Variants in IK observed in about 807,000 individuals in gnomAD.
IK encodes protein Red.
In IK, 47 loss-of-function variants were observed where a neutral mutation model predicts 90.9. That is an observed-to-expected ratio of 0.52 (90% CI 0.41 to 0.66). The LOEUF (loss-of-function observed/expected upper bound fraction) is 0.66. IK is among the 30% of genes least tolerant of loss of function. The pLI, the probability that IK is intolerant of heterozygous loss-of-function variation, is 0.00. For missense variants in IK, 385 were observed against 709.3 expected, an observed-to-expected ratio of 0.54 and a Z score of 5.19; for synonymous variants, 201 against 227.5, an observed-to-expected ratio of 0.88 and a Z score of 1.05.
chr5:140,655,190 T>G (rs1163589353), intron 8 of IK, among the ~76,000 whole-genome samples: 1 of 152,160 alleles, frequency 6.6e-6, no homozygotes, highest in Non-Finnish European at 1.5e-5. Context: ...TCAGGTAGAT[T>G]GAAAGATTTT....
chr5:140,648,360 CTG>C, intron 1 of IK, 109 bp from the exon 2 acceptor site: 1 of 940,970 alleles, frequency 1.1e-6, no homozygotes, highest in Non-Finnish European at 1.8e-6. Context: ...TGTGTTGACA[CTG>C]TCGCTGTTCT....
intron 2 of IK, among the ~76,000 whole-genome samples, chr5:140,649,684 C>T (rs1561971455): frequency 6.6e-6 from 1 of 152,084 alleles, no homozygotes; most frequent in Non-Finnish European, 1.5e-5. Context: ...TACAGGCATG[C>T]CCCACCATGC....
intron 15 of IK, chr5:140,660,432 G>T: frequency 3.7e-6 from 2 of 540,906 alleles, no homozygotes; most frequent in South Asian, 2.3e-5. Context: ...CAAGTAGCTG[G>T]GATTATAGGC....
chr5:140,661,390 G>A lies in IK; in HGVS notation c.1414-230G>A, dbSNP rs898806620. ...CATCAGGAAAATGGAGAGAAATATA[G>A]TTCCCTCTTCATAGATTTTATGAGA... On this transcript the variant is annotated intron_variant, in intron 16 of 19. Coordinates refer to ENST00000417647, the MANE Select transcript of IK (RefSeq NM_006083.4). This position sits in a 1 kb window ranked among gnomAD's most constrained non-coding sequence, Gnocchi z 4.2. 3 of 492,506 alleles carry A rather than the reference G, an allele frequency of 6.1e-6. No individual in the cohort carries two copies. 30.5% of individuals were successfully genotyped at this position (492,506 alleles called of 1,614,324 possible).
chr5:140,653,892 C>G (rs767808362), intron 5 of IK, 46 bp from the exon 6 acceptor site: 81 of 1,214,734 alleles, frequency 6.7e-5, no homozygotes, highest in Middle Eastern at 2.7e-4. Context: ...CGTGATCCAC[C>G]ACGCCTGGAC....
At chr5:140,649,853 C>G (rs1757585263) in intron 2 of IK, among the ~76,000 whole-genome samples, 1 of 152,190 alleles carries the variant, frequency 6.6e-6, no homozygotes, top group African/African-American at 2.4e-5. Flanking sequence ...TTTTTAAATG[C>G]ATTTATACAC....
At chr5:140,649,187 T>C (rs1757564217) in intron 2 of IK, among the ~76,000 whole-genome samples, 1 of 146,970 alleles carries the variant, frequency 6.8e-6, no homozygotes, top group Non-Finnish European at 1.5e-5. Flanking sequence ...CATTTCTTTT[T>C]TTTTTTCTTT....
Position 140,651,867 on chromosome 5 carries a change from TCTA to T in IK, c.176+65_176+67del. 3 of 1,112,700 alleles carry T rather than the reference TCTA, an allele frequency of 2.7e-6. No homozygotes were observed. In the Admixed American group the frequency reaches 5.5e-5, roughly 20 times the overall value. 68.9% of individuals were successfully genotyped at this position (1,112,700 alleles called of 1,614,324 possible). A position where few individuals can be genotyped will look rare whatever the true frequency, so the allele number is the denominator to read the frequency against. On this transcript the variant is annotated intron_variant, in intron 3 of 19. Coordinates refer to ENST00000417647, the MANE Select transcript of IK (RefSeq NM_006083.4). ...TGTTTCTTGCTCCTTCCTATTTCTT[TCTA>T]CTAAGTAGAATGACTTTTAATAGTC...
At chr5:140,648,659 C>G in intron 2 of IK, 122 bp downstream of exon 2, 3 of 960,252 alleles carry the variant, frequency 3.1e-6, no homozygotes, top group East Asian at 2.4e-5. Context: ...ACCCGCTGGC[C>G]CTTTATCTCT....
At chr5:140,659,241 G>A in intron 12 of IK, 74 bp from the exon 13 acceptor site, 1 of 1,612,744 alleles carries the variant, frequency 6.2e-7, no homozygotes, top group Admixed American at 1.7e-5. Flanking sequence ...GTAAGGAATT[G>A]TTTCAAACTT....
At chr5:140,659,681 T>TAAA in intron 13 of IK, 75 bp from the exon 14 acceptor site, 4 of 943,318 alleles carry the variant, frequency 4.2e-6, no homozygotes, top group Non-Finnish European at 6.7e-6. Flanking sequence ...TTAAAAATGT[T>TAAA]TTTTAAGTGT....
intron 15 of IK, 32 bp from the exon 16 acceptor site, chr5:140,660,726 G>A (rs371472082): frequency 6.3e-7 from 1 of 1,580,702 alleles, no homozygotes; most frequent in Non-Finnish European, 8.7e-7. Flanking sequence ...GTCAGGGTAT[G>A]CAACATCTGT....
In IK at chr5:140,652,848, A is replaced by G. The variant is rs747487006; in HGVS notation, c.237-129A>G. On this transcript the variant is annotated intron_variant, in intron 4 of 19. Coordinates refer to ENST00000417647, the MANE Select transcript of IK (RefSeq NM_006083.4). The stretch of plus-strand genomic sequence containing the variant: ...CTACGAAGAGGTGGCCAGCAGTTCT[A>G]TCAGGACAGACATGAGCTTTTCCCC... The G allele has an allele frequency of 6.2e-5, 47 of 761,168 alleles. No individual in the cohort carries two copies. In the African/African-American group the frequency reaches 7.0e-4, roughly 11 times the overall value. The allele number at this position is 761,168 out of a possible 1,614,324, so 47.2% of individuals were successfully genotyped here.
At position 140,660,762 on chromosome 5, in the gene IK, G is replaced by C. The variant is rs1757791236; in HGVS notation, c.1360G>C (p.Asp454His). The C allele has an allele frequency of 6.2e-7, 1 of 1,613,100 alleles. No individual in the cohort carries two copies. Among genetic ancestry groups the C allele is most frequent in the South Asian group, 1.1e-5 (1 of 91,070 alleles). ...SYAECYPATM[D>H]DMAVDSDEEV... ...TTAACTCTTGCTTCTCCTTAGGATG[G>C]ATGACATGGCTGTGGATAGTGATGA... Residue 454 changes from aspartate to histidine, a missense_variant, in exon 16 of 20, where the codon GAT becomes CAT. Around this residue, in one of 8 missense-constraint regions of IK, gnomAD observed 23 missense variants for 115.2 expected, o/e 0.20. Transcript: ENST00000417647.
chr5:140,659,424 C>T, intron 13 of IK, 91 bp downstream of exon 13: 1 of 1,380,524 alleles, frequency 7.2e-7, no homozygotes, highest in East Asian at 2.3e-5. Context: ...GATTGGGGGA[C>T]CTCCTGGTTC....
chr5:140,660,725 T>G, intron 15 of IK, 33 bp from the exon 16 acceptor site: 1 of 1,573,738 alleles, frequency 6.4e-7, no homozygotes, highest in South Asian at 1.1e-5. Flanking sequence ...GGTCAGGGTA[T>G]GCAACATCTG....
intron 14 of IK, 66 bp downstream of exon 14, chr5:140,659,900 C>A: frequency 8.8e-7 from 1 of 1,135,876 alleles, no homozygotes; most frequent in Non-Finnish European, 1.3e-6. Context: ...ACCCCCCCTG[C>A]CTCCCTGCTC....
intron 2 of IK, among the ~76,000 whole-genome samples, chr5:140,650,902 A>G (rs189328799): frequency 6.6e-6 from 1 of 152,260 alleles, no homozygotes; most frequent in Non-Finnish European, 1.5e-5. Context: ...TCAAGGCTAT[A>G]ACTGAATTAA....
rs778496791 is a variant in IK, at chr5:140,659,085, G to A, written c.1097G>A (p.Arg366Gln). ...RERERERDRE[R>Q]ERERDREREE... The stretch of plus-strand genomic sequence containing the variant: ...CGAGAGCGAGAACGAGATCGGGAAC[G>A]AGAGCGAGAGCGGGACCGAGAGAGA... Residue 366 changes from arginine (R) to glutamine (Q), a missense_variant, in exon 12 of 20, where the codon CGA becomes CAA. Arg to Gln is a conservative substitution (Grantham distance 43). Transcript: ENST00000417647. 12 of 1,613,168 alleles carry A rather than the reference G, an allele frequency of 7.4e-6. No homozygotes were observed. Among genetic ancestry groups the A allele is most frequent in the South Asian group, 5.5e-5 (5 of 91,036 alleles).
Sources: allele counts gnomAD v4.1 joint callset (sites outside exome capture counted in the v4.1 genomes callset), GRCh38; gene constraint gnomAD v4.1.1; regional missense constraint gnomAD v4.1.1; non-coding constraint Gnocchi (gnomAD v3.1); transcripts MANE v1.5; gene names NCBI Gene and HGNC (gene_info 2026-07-23, HGNC 2026-07-21).